The following MARK2 variants were observed in gnomAD, a reference collection of about 807,000 sequenced individuals.
The protein encoded by MARK2 is microtubule affinity regulating kinase 2, also known as serine/threonine-protein kinase MARK2.
Under a neutral mutation model 89.8 loss-of-function variants are expected in MARK2, and 16 were observed. The observed-to-expected ratio is 0.18, with a 90% CI of 0.12 to 0.27. The LOEUF (loss-of-function observed/expected upper bound fraction) is 0.27, where lower values mean the gene tolerates loss of function less well. Ranked by LOEUF, MARK2 falls within the 10% of genes least tolerant of loss-of-function variation. MARK2 has a pLI of 1.00. For synonymous variants in MARK2, 382 were observed against 399.5 expected, an observed-to-expected ratio of 0.96 and a Z score of 0.52; for missense variants, 621 against 1,049.9, an observed-to-expected ratio of 0.59 and a Z score of 5.65.
intron 1 of MARK2, among the ~76,000 whole-genome samples, chr11:63,861,153 G>C (rs1454254360): frequency 6.6e-6 from 1 of 151,986 alleles, no homozygotes; most frequent in Non-Finnish European, 1.5e-5. Flanking sequence ...CTTTAATTTC[G>C]GGTTGGGTGC....
intron 11 of MARK2, among the ~76,000 whole-genome samples, chr11:63,901,422 G>GGGGTGTGTGTGTGTGT (rs1554985348): frequency 2.9e-4 from 40 of 139,694 alleles, no homozygotes; most frequent in African/African-American, 1.0e-3. Context: ...TACATTTCTG[G>GGGGTGTGTGTGTGTGT]GTGTGTGTGT....
chr11:63,888,402 C>T (rs1015499865), intron 1 of MARK2: 15 of 361,430 alleles, frequency 4.2e-5, no homozygotes, highest in African/African-American at 3.2e-4. Flanking sequence ...TTATGACAGC[C>T]GTGGCTGCAG....
At chr11:63,883,040 G>A (rs1352169188) in intron 1 of MARK2, among the ~76,000 whole-genome samples, 1 of 152,202 alleles carries the variant, frequency 6.6e-6, no homozygotes, top group African/African-American at 2.4e-5. Context: ...GAACTTGTTG[G>A]TCTCCATGGT....
rs186465622 is a variant in MARK2, at chr11:63,839,860, A to G, written c.54+300A>G. The stretch of plus-strand genomic sequence containing the variant: ...TCCCTTTCTCTTCCCTTTTTCTCTC[A>G]GGGGCCTTTCTGGTCTTCCTCCACC... On this transcript the variant is annotated intron_variant, in intron 1 of 18. Transcript: ENST00000402010. Among the ~76,000 whole-genome samples, 711 of 151,588 alleles carry G rather than the reference A, an allele frequency of 4.7e-3. 3 individuals carry two copies. Among genetic ancestry groups the G allele is most frequent in the Non-Finnish European group, 7.0e-3 (475 of 67,832 alleles).
At chr11:63,886,153 G>A (rs1939386711) in intron 1 of MARK2, among the ~76,000 whole-genome samples, 1 of 151,620 alleles carries the variant, frequency 6.6e-6, no homozygotes, top group East Asian at 1.9e-4. Flanking sequence ...AGAGACGAGA[G>A]TCTAATTCTG....
intron 1 of MARK2, among the ~76,000 whole-genome samples, chr11:63,846,193 A>G (rs2016267127): frequency 1.3e-5 from 2 of 151,814 alleles, no homozygotes; most frequent in Non-Finnish European, 2.9e-5. Context: ...AGATCCCTTT[A>G]TCTTCATATC....
chr11:63,872,292 C>G (rs1172674396), intron 1 of MARK2, among the ~76,000 whole-genome samples: 2 of 152,190 alleles, frequency 1.3e-5, no homozygotes, highest in South Asian at 2.1e-4. Flanking sequence ...GACTAGATTG[C>G]ACAACACAGC....
chr11:63,851,197 G>A (rs2016556871), intron 1 of MARK2, among the ~76,000 whole-genome samples: 1 of 152,192 alleles, frequency 6.6e-6, no homozygotes, highest in African/African-American at 2.4e-5. Flanking sequence ...TTGGTTGCTT[G>A]TTTATCTTCA....
At chr11:63,888,804 G>T in intron 1 of MARK2, 1 of 1,277,520 alleles carries the variant, frequency 7.8e-7, no homozygotes, top group Non-Finnish European at 1.0e-6. Context: ...GGAAGGTGTC[G>T]CCTGCTCTGG....
chr11:63,846,749 G>A (rs11231606), intron 1 of MARK2, among the ~76,000 whole-genome samples: 72,096 of 150,324 alleles, frequency 0.48, 19,435 homozygotes, highest in East Asian at 0.88. Flanking sequence ...TCCGCCTCCC[G>A]GATTCACGCC....
At chr11:63,861,562 T>A (rs1473789296) in intron 1 of MARK2, among the ~76,000 whole-genome samples, 1 of 152,198 alleles carries the variant, frequency 6.6e-6, no homozygotes, top group East Asian at 1.9e-4. Context: ...ATTGGGAAAC[T>A]CAGCCTTAAA....
In MARK2 at chr11:63,902,738, C is replaced by T; in HGVS notation, c.1372C>T (p.Leu458=). The part of the protein sequence containing the change: ...SSTAKVPASP[L]PGLERKKTTP... Reference sequence around the variant, plus strand: ...CACAGCCAAGGTGCCTGCCAGCCCCCTGCCCGGTCTGGAGAGGAAGAAGAC... The same window carrying T: ...CACAGCCAAGGTGCCTGCCAGCCCCTTGCCCGGTCTGGAGAGGAAGAAGAC... The change falls in exon 13 of 19, where the codon CTG becomes TTG. Residue 458 remains leucine, a synonymous_variant. Transcript: ENST00000402010. The surrounding 1 kb of genome is among the most constrained non-coding windows in gnomAD (Gnocchi z 4.2). The T allele has an allele frequency of 6.2e-7, 1 of 1,613,780 alleles. No individual in the cohort carries two copies. The highest frequency in any genetic ancestry group is 1.7e-5 in the Admixed American group (1 of 60,024).
chr11:63,843,276 A>G (rs548696486), intron 1 of MARK2, among the ~76,000 whole-genome samples: 1 of 152,314 alleles, frequency 6.6e-6, no homozygotes, highest in Admixed American at 6.5e-5. Flanking sequence ...GTCACAGGCA[A>G]GCCTGGAGAA....
rs1941098645 is a variant in MARK2, at chr11:63,903,847, T to A, written c.1515-139T>A. ...CCGCATTCCTCAGTTCTGACTTGCA[T>A]CCCGCTGCTGCCCAGGCCTGACTTC... is the stretch of plus-strand genomic sequence containing the variant. On this transcript the variant is annotated intron_variant, in intron 14 of 18. Coordinates refer to ENST00000402010, the MANE Select transcript of MARK2 (RefSeq NM_001039469.3). This position sits in a 1 kb window ranked among gnomAD's most constrained non-coding sequence, Gnocchi z 5.1. 3.2e-6 allele frequency: 2 copies of A among 633,518 alleles called. No individual in the cohort carries two copies. The highest frequency in any genetic ancestry group is 5.3e-6 in the Non-Finnish European group (2 of 375,162). The allele number at this position is 633,518 out of a possible 1,614,324, so 39.2% of individuals were successfully genotyped here.
At chr11:63,840,831 C>T (rs2015977511) in intron 1 of MARK2, among the ~76,000 whole-genome samples, 1 of 152,196 alleles carries the variant, frequency 6.6e-6, no homozygotes, top group South Asian at 2.1e-4. Flanking sequence ...ACACCTCAGC[C>T]TCACGACTCT....
At chr11:63,890,340 T>C (rs1384459908) in intron 1 of MARK2, 1 of 1,229,814 alleles carries the variant, frequency 8.1e-7, no homozygotes, top group Middle Eastern at 3.4e-4. Flanking sequence ...CTGAGTTGGA[T>C]GGTTCAGTCC....
At chr11:63,865,911 G>A (rs537981282) in intron 1 of MARK2, among the ~76,000 whole-genome samples, 2 of 152,246 alleles carry the variant, frequency 1.3e-5, no homozygotes, top group East Asian at 3.9e-4. Context: ...TAACTTGATA[G>A]TAAGAAGTAC....
chr11:63,894,135 A>G (rs1422225640), intron 1 of MARK2, among the ~76,000 whole-genome samples: 1 of 152,190 alleles, frequency 6.6e-6, no homozygotes, highest in Non-Finnish European at 1.5e-5. Context: ...CAGTTCTTTC[A>G]TTGTACAAGT....
At position 63,839,440 on chromosome 11, in the gene MARK2, G is replaced by C; in HGVS notation, c.-67G>C. ...GCTGTGAGAAGCCCCGCCCGGCCGG[G>C]CTCCGCGCCTTCCCTTCCCTCCCTT... On this transcript the variant is annotated 5_prime_UTR_variant, in exon 1 of 19. Coordinates refer to ENST00000402010, the MANE Select transcript of MARK2 (RefSeq NM_001039469.3). 1 of 1,001,254 alleles carries C rather than the reference G, an allele frequency of 1.0e-6. No homozygotes were observed. The highest frequency in any genetic ancestry group is 1.4e-5 in the South Asian group (1 of 72,450). 62.0% of individuals were successfully genotyped at this position (1,001,254 alleles called of 1,614,324 possible).
Sources: allele counts gnomAD v4.1 joint callset (sites outside exome capture counted in the v4.1 genomes callset), GRCh38; gene constraint gnomAD v4.1.1; non-coding constraint Gnocchi (gnomAD v3.1); transcripts MANE v1.5; gene names NCBI Gene and HGNC (gene_info 2026-07-23, HGNC 2026-07-21).